Variants in RGS12 observed in about 807,000 individuals in gnomAD.
RGS12 encodes regulator of G-protein signaling 12.
A neutral mutation model predicts 120.1 loss-of-function variants in RGS12; 66 were observed. That is an observed-to-expected ratio of 0.55 (90% CI 0.45 to 0.67). The LOEUF is 0.67. RGS12 is among the 30% of genes least tolerant of loss of function. The pLI is 0.00. For synonymous variants in RGS12, 827 were observed against 804.7 expected, an observed-to-expected ratio of 1.03 and a Z score of -0.47; for missense variants, 1,859 against 1,957.7, an observed-to-expected ratio of 0.95 and a Z score of 0.95.
At chr4:3,369,938 A>T in intron 3 of RGS12, 2 of 1,000,986 alleles carry the variant, frequency 2.0e-6, no homozygotes, top group Middle Eastern at 4.1e-4. Context: ...TGCTAAAAAA[A>T]ACAAATTCTC....
chr4:3,327,475 A>G (rs923242364), intron 2 of RGS12, among the ~76,000 whole-genome samples: 5 of 152,240 alleles, frequency 3.3e-5, no homozygotes, highest in African/African-American at 1.2e-4. Context: ...GAAATAATCA[A>G]CAGAGTGAAC....
At chr4:3,295,614 T>A (rs1723335875) in intron 1 of RGS12, among the ~76,000 whole-genome samples, 1 of 145,690 alleles carries the variant, frequency 6.9e-6, no homozygotes, top group South Asian at 2.1e-4. Context: ...GAGCCAAGAT[T>A]GCGCCATTGC....
chr4:3,428,408 A>G (rs755068257), intron 15 of RGS12, 150 bp from the exon 16 acceptor site: 1 of 789,228 alleles, frequency 1.3e-6, no homozygotes, highest in Non-Finnish European at 2.1e-6. Flanking sequence ...CTTGTTTGTA[A>G]TCCTTATCAT....
chr4:3,354,521 C>T (rs918978138), intron 3 of RGS12, among the ~76,000 whole-genome samples: 1 of 152,134 alleles, frequency 6.6e-6, no homozygotes, highest in Non-Finnish European at 1.5e-5. Context: ...TGTGCTGGAC[C>T]GTAAAGCAAG....
intron 2 of RGS12, among the ~76,000 whole-genome samples, chr4:3,319,967 G>A (rs12643903): frequency 0.075 from 11,478 of 152,296 alleles, 827 homozygotes; most frequent in East Asian, 0.33. Context: ...GGGAGGTGAA[G>A]GGCCCTGGAA....
chr4:3,367,882 G>T (rs1716494987), intron 3 of RGS12, among the ~76,000 whole-genome samples: 1 of 152,240 alleles, frequency 6.6e-6, no homozygotes, highest in African/African-American at 2.4e-5. Flanking sequence ...GACAGCAACA[G>T]GCGGACCCCT....
chr4:3,351,996 A>G (rs1469891231), intron 3 of RGS12, among the ~76,000 whole-genome samples: 10 of 152,222 alleles, frequency 6.6e-5, no homozygotes, highest in Non-Finnish European at 1.5e-4. Context: ...GCAAGGGAAA[A>G]AAGAGCCAAA....
At chr4:3,342,670 GT>G in intron 2 of RGS12, 2 of 1,008,024 alleles carry the variant, frequency 2.0e-6, no homozygotes, top group Non-Finnish European at 1.4e-6. Context: ...CCTGTTCTGT[GT>G]TTACAGAGGT....
At chr4:3,392,817 C>T (rs547487088) in intron 4 of RGS12, among the ~76,000 whole-genome samples, 3 of 152,030 alleles carry the variant, frequency 2.0e-5, no homozygotes, top group South Asian at 2.1e-4. Context: ...GGTGAAACCC[C>T]GTGTCTAATA....
rs537342544 is a variant in RGS12 at position 3,433,758 on chromosome 4, C to A, written c.4114+2803C>A. On this transcript the variant is annotated intron_variant, in intron 17 of 17. Transcript: ENST00000336727. The surrounding 1 kb of genome is among the most constrained non-coding windows in gnomAD (Gnocchi z 4.4). ...TCTAGCCCCAGCGCCACACGCCACG[C>A]GGCACTCCACCCCGTCTGTCTAGCC... Among the ~76,000 whole-genome samples, 5 of 151,334 alleles carry A rather than the reference C, an allele frequency of 3.3e-5. No individual in the cohort carries two copies. The highest frequency in any genetic ancestry group is 7.4e-5 in the Non-Finnish European group (5 of 67,858).
chr4:3,288,446 C>T (rs564945134), upstream of RGS12, among the ~76,000 whole-genome samples: 5 of 152,332 alleles, frequency 3.3e-5, no homozygotes, highest in Non-Finnish European at 5.9e-5. The surrounding 1 kb of genome is among the most constrained non-coding windows in gnomAD (Gnocchi z 5.2). Context: ...ACAGCTTCCC[C>T]CATGCTTTGG....
intron 2 of RGS12, among the ~76,000 whole-genome samples, chr4:3,327,161 C>T (rs760489452): frequency 1.3e-5 from 2 of 152,182 alleles, no homozygotes; most frequent in Non-Finnish European, 2.9e-5. Context: ...GCCAAGTGAT[C>T]TTTGACAAAG....
intron 12 of RGS12, among the ~76,000 whole-genome samples, 189 bp downstream of exon 12, chr4:3,423,167 C>T (rs1220682510): frequency 6.6e-6 from 1 of 152,170 alleles, no homozygotes; most frequent in African/African-American, 2.4e-5. Context: ...GGGTGAGAGG[C>T]GCCCTCTCCT....
rs138190721 is a variant in RGS12, at chr4:3,381,008, G to A, written c.1999-5408G>A. Among the ~76,000 whole-genome samples the A allele has an allele frequency of 2.9e-3, 436 of 152,220 alleles. 1 individual carries two copies. The highest frequency in any genetic ancestry group is 0.01 in the African/African-American group (428 of 41,542). ...GGCTGCAAATTTTTCAAACTTTTAT[G>A]TTCTGCTTCCTCTTGAATGCTTTGC... On this transcript the variant is annotated intron_variant, in intron 3 of 17. Transcript: ENST00000336727.
rs1716152802 is a variant in RGS12, at chr4:3,365,031, G to A, written c.1999-21385G>A. ...CAGGGCAGAAGCTGCACCTTTCCAGGGGAGCAGAAGGGGCATCCTGGGTGA... is the reference window on the plus strand; with the variant it reads ...CAGGGCAGAAGCTGCACCTTTCCAGAGGAGCAGAAGGGGCATCCTGGGTGA... On this transcript the variant is annotated intron_variant, in intron 3 of 17. Coordinates refer to ENST00000336727, the MANE Select transcript of RGS12 (RefSeq NM_001394154.1). The surrounding 1 kb of genome is among the most constrained non-coding windows in gnomAD (Gnocchi z 4.0). Among the ~76,000 whole-genome samples the A allele has an allele frequency of 6.6e-6, 1 of 152,118 alleles. No individual in the cohort carries two copies. The highest frequency in any genetic ancestry group is 1.5e-5 in the Non-Finnish European group (1 of 68,014).
rs777859863 is a variant in RGS12, at chr4:3,316,217, C to T, written c.47C>T (p.Ser16Leu). 15 of 1,598,104 alleles carry T rather than the reference C, an allele frequency of 9.4e-6. No homozygotes were observed. Among genetic ancestry groups the T allele is most frequent in the Admixed American group, 3.4e-5 (2 of 58,526 alleles). Residue 16 changes from serine to leucine, a missense_variant, in exon 2 of 18, where the codon TCG (serine) becomes TTG (leucine). Physicochemically the swap from Ser to Leu is moderately radical, Grantham distance 145. Transcript: ENST00000336727. ...TCCAAACGCCCATTGCCTGGGCCGT[C>T]GCCCCCAAGGGTGCGGAGTGTGGAG... ...EASKRPLPGP[S>L]PPRVRSVEVA... is the part of the protein sequence containing the mutation.
chr4:3,421,194 G>A (rs1334091675), intron 10 of RGS12, among the ~76,000 whole-genome samples: 1 of 152,148 alleles, frequency 6.6e-6, no homozygotes. Context: ...TGCTTGGCTG[G>A]TGCTCGTCCT....
intron 9 of RGS12, among the ~76,000 whole-genome samples, chr4:3,420,145 G>A (rs1435895718): frequency 1.3e-5 from 2 of 152,248 alleles, no homozygotes; most frequent in Non-Finnish European, 2.9e-5. Flanking sequence ...GGACGTCAGA[G>A]GAAAAGGACG....
chr4:3,419,266 G>A (rs1329447875), intron 9 of RGS12: 2 of 152,074 alleles, frequency 1.3e-5, no homozygotes, highest in African/African-American at 2.4e-5. Context: ...GGGAGGTGGA[G>A]GTTGCAGTGA....
Sources: gnomAD v4.1 joint callset for allele counts (sites outside exome capture counted in the v4.1 genomes callset) on GRCh38, gnomAD v4.1.1 for gene constraint, Gnocchi (gnomAD v3.1) non-coding constraint, MANE v1.5 for transcripts, NCBI Gene and HGNC (gene_info 2026-07-23, HGNC 2026-07-21) for gene names.